CAST: variants seen among roughly 807,000 people sequenced by gnomAD.
CAST encodes calpastatin.
Under a neutral mutation model 119.6 loss-of-function variants are expected in CAST, and 76 were observed. That is an observed-to-expected ratio of 0.64 (90% CI 0.53 to 0.77). The LOEUF (loss-of-function observed/expected upper bound fraction) is 0.77. Ranked by LOEUF, CAST falls within the 30% of genes least tolerant of loss-of-function variation. The pLI is 0.00. For missense variants in CAST, 953 were observed against 946.5 expected, an observed-to-expected ratio of 1.01 and a Z score of -0.09; for synonymous variants, 319 against 331.6, an observed-to-expected ratio of 0.96 and a Z score of 0.41.
At chr5:96,459,497 T>C in the CAST span, among the ~76,000 whole-genome samples, 1 of 152,104 alleles carries the variant, frequency 6.6e-6, no homozygotes, top group Non-Finnish European at 1.5e-5. Context: ...AATGTATAAT[T>C]TGCTGACTTA....
At chr5:96,357,493 T>G in the CAST span, among the ~76,000 whole-genome samples, 1 of 152,216 alleles carries the variant, frequency 6.6e-6, no homozygotes, top group African/African-American at 2.4e-5. Flanking sequence ...CTTATTATTT[T>G]GAGATACCTT....
the CAST span, among the ~76,000 whole-genome samples, chr5:96,321,079 C>G: frequency 6.6e-6 from 1 of 152,194 alleles, no homozygotes; most frequent in Non-Finnish European, 1.5e-5. Flanking sequence ...GAGTGCTTAT[C>G]TCTCCAGGTT....
the CAST span, among the ~76,000 whole-genome samples, chr5:96,484,615 C>T: frequency 2.0e-5 from 3 of 152,104 alleles, no homozygotes; most frequent in Non-Finnish European, 4.4e-5. Context: ...TCTCGGTTTA[C>T]TAAATTCCCC....
chr5:96,678,137 CCTTTT>C (rs1419460342), intron 2 of CAST, among the ~76,000 whole-genome samples: 1 of 152,148 alleles, frequency 6.6e-6, no homozygotes, highest in Non-Finnish European at 1.5e-5. Context: ...GTTGCCATCT[CCTTTT>C]CTTCTCAAAA....
the CAST span, chr5:96,213,222 C>A: frequency 6.6e-6 from 1 of 152,078 alleles, no homozygotes; most frequent in African/African-American, 2.4e-5. Flanking sequence ...ATTAATATAA[C>A]TATTCCCACT....
chr5:96,342,654 TTC>T, the CAST span, among the ~76,000 whole-genome samples: 9 of 152,220 alleles, frequency 5.9e-5, no homozygotes, highest in African/African-American at 2.2e-4. Flanking sequence ...TTGAATTGAA[TTC>T]TCTTTTTCTT....
At chr5:96,569,603 C>G (rs191050240) in intron 1 of CAST, among the ~76,000 whole-genome samples, 1 of 152,148 alleles carries the variant, frequency 6.6e-6, no homozygotes, top group African/African-American at 2.4e-5. Context: ...CATCCATCTG[C>G]GATTTCCTGG....
chr5:96,373,743 T>A, the CAST span, among the ~76,000 whole-genome samples: 2 of 151,924 alleles, frequency 1.3e-5, no homozygotes, highest in African/African-American at 2.4e-5. Context: ...TCTTTTTTTC[T>A]TCTCTTTTTT....
At chr5:96,387,874 A>C in the CAST span, among the ~76,000 whole-genome samples, 1 of 152,234 alleles carries the variant, frequency 6.6e-6, no homozygotes, top group African/African-American at 2.4e-5. Flanking sequence ...CACTGGGGCC[A>C]CTAGGGACAG....
At chr5:96,364,609 G>C in the CAST span, among the ~76,000 whole-genome samples, 1 of 152,138 alleles carries the variant, frequency 6.6e-6, no homozygotes, top group Non-Finnish European at 1.5e-5. Flanking sequence ...GTTTGTTTGC[G>C]TAGAGCTGTT....
intron 1 of CAST, among the ~76,000 whole-genome samples, chr5:96,535,502 G>T (rs1055210095): frequency 1.3e-5 from 2 of 151,900 alleles, no homozygotes; most frequent in Non-Finnish European, 2.9e-5. Context: ...GGACATGGTG[G>T]CATGAGTTGC....
chr5:96,743,183 G>A (rs563944175), intron 16 of CAST, among the ~76,000 whole-genome samples: 4 of 152,270 alleles, frequency 2.6e-5, no homozygotes, highest in Admixed American at 6.5e-5. Flanking sequence ...TGAAAATTTT[G>A]TCTCAAATTA....
the CAST span, among the ~76,000 whole-genome samples, chr5:96,097,071 C>G: frequency 1.2e-4 from 18 of 152,198 alleles, no homozygotes; most frequent in Admixed American, 2.0e-4. Flanking sequence ...GTCTTAAAAG[C>G]TTTGTAGGTG....
chr5:96,737,152 C>T (rs1323655049), intron 10 of CAST, among the ~76,000 whole-genome samples: 1 of 152,192 alleles, frequency 6.6e-6, no homozygotes, highest in African/African-American at 2.4e-5. Context: ...TCCCTTGACA[C>T]ATGGGGATTA....
the CAST span, among the ~76,000 whole-genome samples, chr5:96,460,224 A>G: frequency 6.6e-6 from 1 of 152,154 alleles, no homozygotes; most frequent in African/African-American, 2.4e-5. Context: ...TAACCCAGAA[A>G]AAGACTATTA....
intron 3 of CAST, chr5:96,714,790 A>C (rs1289240278): frequency 6.6e-6 from 1 of 152,180 alleles, no homozygotes; most frequent in Non-Finnish European, 1.5e-5. Context: ...TCTTCTCCTT[A>C]CTTACAAAAT....
the CAST span, among the ~76,000 whole-genome samples, chr5:95,999,902 C>G: frequency 6.6e-6 from 1 of 152,210 alleles, no homozygotes; most frequent in Non-Finnish European, 1.5e-5. Context: ...TCTCCACATT[C>G]TCAGCAACAT....
chr5:96,075,029 A>G, the CAST span, among the ~76,000 whole-genome samples: 3 of 152,228 alleles, frequency 2.0e-5, no homozygotes, highest in Non-Finnish European at 4.4e-5. Context: ...GTGGTCTGCC[A>G]GGAAGAAAAG....
the CAST span, among the ~76,000 whole-genome samples, chr5:96,128,015 G>A: frequency 6.6e-6 from 1 of 152,056 alleles, no homozygotes; most frequent in East Asian, 1.9e-4. Flanking sequence ...GAGTTTCTAT[G>A]TCCTTGAGTT....
Sources: allele counts gnomAD v4.1 joint callset (sites outside exome capture counted in the v4.1 genomes callset), GRCh38; gene constraint gnomAD v4.1.1; transcripts MANE v1.5; gene names NCBI Gene and HGNC (gene_info 2026-07-23, HGNC 2026-07-21).